Variants in SRL observed in about 807,000 individuals in gnomAD.
SRL encodes sarcalumenin.
Under a neutral mutation model 39.5 loss-of-function variants are expected in SRL, and 23 were observed. The ratio of observed to expected loss-of-function variants is 0.58; its 90% CI spans 0.42 to 0.82. SRL has a LOEUF of 0.82. Ranked by LOEUF, SRL falls within the 40% of genes least tolerant of loss-of-function variation. The probability of loss-of-function intolerance (pLI) is 0.00; values close to 1 mark genes in which losing one functional copy is unlikely to be tolerated. For missense variants in SRL, 592 were observed against 607.8 expected, an observed-to-expected ratio of 0.97 and a Z score of 0.27; for synonymous variants, 272 against 237.4, an observed-to-expected ratio of 1.15 and a Z score of -1.34.
intron 1 of SRL, among the ~76,000 whole-genome samples, chr16:4,224,038 C>T (rs1405065237): frequency 6.6e-6 from 1 of 152,060 alleles, no homozygotes; most frequent in South Asian, 2.1e-4. Flanking sequence ...GGGGCCCTCA[C>T]AGCAACTACC....
chr16:4,223,711 T>A (rs1421795722), intron 1 of SRL, among the ~76,000 whole-genome samples: 1 of 151,968 alleles, frequency 6.6e-6, no homozygotes, highest in Non-Finnish European at 1.5e-5. Context: ...TTAAACAAGC[T>A]CCCAGAAGAT....
At chr16:4,235,513 T>C (rs1164849383) in intron 1 of SRL, among the ~76,000 whole-genome samples, 2 of 151,896 alleles carry the variant, frequency 1.3e-5, no homozygotes, top group African/African-American at 2.4e-5. Flanking sequence ...CTGAGCAACA[T>C]AGTGACATAG....
chr16:4,221,610 A>G (rs1026625188), intron 1 of SRL, among the ~76,000 whole-genome samples: 2 of 152,216 alleles, frequency 1.3e-5, no homozygotes, highest in Non-Finnish European at 2.9e-5. Context: ...CCCTGGTCAA[A>G]AAAGGCCCAG....
chr16:4,205,483 T>C (rs964462566), intron 1 of SRL, among the ~76,000 whole-genome samples: 1 of 152,156 alleles, frequency 6.6e-6, no homozygotes, highest in Non-Finnish European at 1.5e-5. Context: ...GAAGGAAACA[T>C]TCTGAAAGCT....
chr16:4,220,794 G>A (rs1213589289), intron 1 of SRL, among the ~76,000 whole-genome samples: 8 of 151,690 alleles, frequency 5.3e-5, no homozygotes, highest in African/African-American at 1.9e-4. Flanking sequence ...TTCAAGACCA[G>A]CCTAGGCAAC....
intron 1 of SRL, among the ~76,000 whole-genome samples, chr16:4,222,957 C>A (rs963863260): frequency 6.6e-6 from 1 of 151,866 alleles, no homozygotes; most frequent in Non-Finnish European, 1.5e-5. Flanking sequence ...AGGCTGAGTG[C>A]GGTGGCTCAT....
intron 1 of SRL, among the ~76,000 whole-genome samples, chr16:4,209,335 G>A (rs1040649853): frequency 7.9e-5 from 12 of 152,074 alleles, no homozygotes; most frequent in Non-Finnish European, 1.2e-4. Context: ...CCTGCCCCCA[G>A]GCTAGGGTCT....
At chr16:4,216,838 TC>T (rs1456477026) in intron 1 of SRL, among the ~76,000 whole-genome samples, 5 of 152,118 alleles carry the variant, frequency 3.3e-5, no homozygotes, top group African/African-American at 9.6e-5. Context: ...GTGGCTGGCT[TC>T]CCCCCACATC....
At chr16:4,205,573 G>A (rs1389310046) in intron 1 of SRL, among the ~76,000 whole-genome samples, 1 of 152,124 alleles carries the variant, frequency 6.6e-6, no homozygotes, top group African/African-American at 2.4e-5. Context: ...TCTGCTGGGG[G>A]GAGTGAGTTA....
At chr16:4,210,484 A>ATTTTTTTTTT (rs1307381191) in intron 1 of SRL, among the ~76,000 whole-genome samples, 2 of 68,788 alleles carry the variant, frequency 2.9e-5, no homozygotes, top group African/African-American at 7.8e-5. Flanking sequence ...TATTACTCAT[A>ATTTTTTTTTT]TCTTTTTTTT....
intron 3 of SRL, among the ~76,000 whole-genome samples, chr16:4,200,731 A>G (rs757573481): frequency 2.6e-5 from 4 of 152,236 alleles, no homozygotes; most frequent in Non-Finnish European, 4.4e-5. Flanking sequence ...GCTAGGCTAC[A>G]AAAAATAGTA....
chr16:4,193,203 C>G (rs2052092066), intron 5 of SRL, among the ~76,000 whole-genome samples: 1 of 152,204 alleles, frequency 6.6e-6, no homozygotes, highest in Non-Finnish European at 1.5e-5. Context: ...GGGTCTCACT[C>G]TGTCACCCAG....
chr16:4,234,811 C>A (rs758530209), intron 1 of SRL, among the ~76,000 whole-genome samples: 1 of 152,204 alleles, frequency 6.6e-6, no homozygotes, highest in Non-Finnish European at 1.5e-5. Flanking sequence ...AAGAGAAACC[C>A]CTGCTATGTA....
chr16:4,225,213 A>G (rs1291716), intron 1 of SRL, among the ~76,000 whole-genome samples: 45,194 of 152,068 alleles, frequency 0.3, 7,317 homozygotes, highest in East Asian at 0.52. Flanking sequence ...TGAATATACT[A>G]AAAACTACTG....
At chr16:4,235,044 C>G (rs1383410834) in intron 1 of SRL, among the ~76,000 whole-genome samples, 1 of 152,168 alleles carries the variant, frequency 6.6e-6, no homozygotes, top group Non-Finnish European at 1.5e-5. Context: ...TGCAGCTCCC[C>G]CCATGACCAG....
intron 1 of SRL, among the ~76,000 whole-genome samples, chr16:4,211,510 C>A (rs1597280541): frequency 2.4e-5 from 2 of 84,170 alleles, no homozygotes; most frequent in African/African-American, 1.3e-4. Context: ...TGATGAGGAT[C>A]GTGATGATGA....
chr16:4,222,520 C>T lies in SRL; in HGVS notation c.62-17886G>A, dbSNP rs544235022. Among the ~76,000 whole-genome samples, 4 of 152,232 alleles carry T rather than the reference C, an allele frequency of 2.6e-5. No homozygotes were observed. In the East Asian group the frequency reaches 5.8e-4, roughly 22 times the overall value. Reference sequence around the variant, plus strand: ...GAACTCCTGACTCAGGTGATCCACCCGCCTCGGCCTCCCAAAGTGCTTAGA... The same window carrying T: ...GAACTCCTGACTCAGGTGATCCACCTGCCTCGGCCTCCCAAAGTGCTTAGA... On this transcript the variant is annotated intron_variant, in intron 1 of 5. Transcript: ENST00000399609.
chr16:4,194,069 C>G (rs1024928638), intron 5 of SRL, among the ~76,000 whole-genome samples: 6 of 152,188 alleles, frequency 3.9e-5, no homozygotes, highest in African/African-American at 1.4e-4. Flanking sequence ...GATCCACCGT[C>G]TGCTCACACA....
At position 4,189,962 on chromosome 16, in the gene SRL, T is replaced by C. The variant is rs75559488; in HGVS notation, c.*2191A>G. 4.6e-3 allele frequency: 1,152 copies of C among 252,270 alleles called. 9 individuals are homozygous for C. Among genetic ancestry groups the C allele is most frequent in the African/African-American group, 0.024 (1,079 of 45,176 alleles). 15.6% of individuals were successfully genotyped at this position (252,270 alleles called of 1,614,324 possible). On this transcript the variant is annotated 3_prime_UTR_variant, in exon 6 of 6. Transcript: ENST00000399609. ...AGTACAGAGATGAGGCGAGGGGTTC[T>C]GGGGTTTGCGGAGGGTGGTTAATGA...
Sources: gnomAD v4.1 joint callset for allele counts (sites outside exome capture counted in the v4.1 genomes callset) on GRCh38, gnomAD v4.1.1 for gene constraint, MANE v1.5 for transcripts, NCBI Gene and HGNC (gene_info 2026-07-23, HGNC 2026-07-21) for gene names.